Variants in PRKN observed in about 807,000 individuals in gnomAD.
The protein encoded by PRKN is parkin RBR E3 ubiquitin protein ligase, also known as E3 ubiquitin-protein ligase parkin.
In PRKN, 56 loss-of-function variants were observed where a neutral mutation model predicts 59.5. The ratio of observed to expected loss-of-function variants is 0.94; its 90% CI spans 0.76 to 1.18. The LOEUF (loss-of-function observed/expected upper bound fraction) is 1.18. PRKN is among the 50% of genes most tolerant of loss of function. The probability of loss-of-function intolerance (pLI) is 0.00; values close to 1 mark genes in which losing one functional copy is unlikely to be tolerated. For synonymous variants in PRKN, 250 were observed against 222.1 expected (o/e 1.13, Z -1.12); for missense variants, 657 against 596.4 (o/e 1.10, Z -1.06).
chr6:161,897,068 C>G (rs1419740149), intron 6 of PRKN, among the ~76,000 whole-genome samples: 1 of 152,186 alleles, frequency 6.6e-6, no homozygotes, highest in Non-Finnish European at 1.5e-5. Context: ...CTAACTTTCT[C>G]TTCTACATGT....
At chr6:162,542,823 T>C (rs377537300) in intron 1 of PRKN, among the ~76,000 whole-genome samples, 14 of 152,138 alleles carry the variant, frequency 9.2e-5, no homozygotes, top group African/African-American at 3.4e-4. Flanking sequence ...AGCACAGCAC[T>C]CGCGCAAACC....
intron 1 of PRKN, chr6:162,624,454 T>C (rs1481762444): frequency 6.6e-6 from 1 of 152,206 alleles, no homozygotes; most frequent in East Asian, 1.9e-4. Context: ...CTTTGAGAGC[T>C]GCATGGGAGG....
rs527943660 is a variant in PRKN at position 162,306,622 on chromosome 6, C to T, written c.172-43857G>A. 7.6e-4 allele frequency among the ~76,000 whole-genome samples: 116 copies of T among 152,284 alleles called. 1 individual carries two copies. Among genetic ancestry groups the T allele is most frequent in the Middle Eastern group, 3.4e-3 (1 of 294 alleles). ...AGCTCAGTATATGCTCAGCTGCACA[C>T]AACGGAAGTATTTGAACAAATTAAT... is the stretch of plus-strand genomic sequence containing the variant. On this transcript the variant is annotated intron_variant, in intron 2 of 11. Coordinates refer to ENST00000366898, the MANE Select transcript of PRKN (RefSeq NM_004562.3).
intron 2 of PRKN, among the ~76,000 whole-genome samples, chr6:162,333,701 T>C (rs574831894): frequency 6.6e-6 from 1 of 152,270 alleles, no homozygotes; most frequent in South Asian, 2.1e-4. Context: ...GACCAATTAA[T>C]AATGCTACGA....
At chr6:161,559,223 A>G (rs1271189325) in intron 8 of PRKN, among the ~76,000 whole-genome samples, 2 of 152,144 alleles carry the variant, frequency 1.3e-5, no homozygotes, top group Non-Finnish European at 2.9e-5. Flanking sequence ...ATCCAAATCA[A>G]CTGGCTTCCT....
At chr6:162,350,620 T>G (rs1485762667) in intron 2 of PRKN, among the ~76,000 whole-genome samples, 1 of 152,184 alleles carries the variant, frequency 6.6e-6, no homozygotes, top group Admixed American at 6.6e-5. Flanking sequence ...TAGAGATTGA[T>G]ATGCAAAAAA....
intron 2 of PRKN, among the ~76,000 whole-genome samples, chr6:162,382,479 C>T (rs937312111): frequency 2.6e-5 from 4 of 152,058 alleles, no homozygotes; most frequent in African/African-American, 4.8e-5. Flanking sequence ...GTCTATTAAG[C>T]GTATAATAGC....
chr6:162,191,876 C>T (rs1411653951), intron 4 of PRKN, among the ~76,000 whole-genome samples: 1 of 152,160 alleles, frequency 6.6e-6, no homozygotes, highest in Non-Finnish European at 1.5e-5. Flanking sequence ...AGAAACAGCC[C>T]CGTCAGTGTG....
chr6:162,704,227 C>CG (rs1348848461), intron 1 of PRKN, among the ~76,000 whole-genome samples: 8 of 152,132 alleles, frequency 5.3e-5, no homozygotes, highest in South Asian at 4.2e-4. Flanking sequence ...AGGTGGACTG[C>CG]GGGGGGGTTG....
At chr6:162,416,288 A>G (rs1788627314) in intron 2 of PRKN, among the ~76,000 whole-genome samples, 1 of 152,054 alleles carries the variant, frequency 6.6e-6, no homozygotes, top group Non-Finnish European at 1.5e-5. Context: ...AATCCCCCAG[A>G]CCCCACCTCT....
intron 2 of PRKN, among the ~76,000 whole-genome samples, chr6:162,429,905 A>G (rs1382162691): frequency 2.6e-5 from 4 of 152,192 alleles, no homozygotes; most frequent in Admixed American, 6.5e-5. Flanking sequence ...TCTTCCCGGT[A>G]TCACCTTCCT....
intron 9 of PRKN, among the ~76,000 whole-genome samples, chr6:161,449,130 A>G (rs1398482191): frequency 6.6e-6 from 1 of 152,230 alleles, no homozygotes. Flanking sequence ...TGTGTGTATT[A>G]TTATTACAAT....
In PRKN at chr6:162,440,224, C is replaced by T. The variant is rs149728475; in HGVS notation, c.171+3086G>A. ...ATAACTATACTCTAACAGTGCTTCT[C>T]TAAGTGGCCTGTGGATATGCTCTCC... On this transcript the variant is annotated intron_variant, in intron 2 of 11. Transcript: ENST00000366898. Among the ~76,000 whole-genome samples, 972 of 152,286 alleles carry T rather than the reference C, an allele frequency of 6.4e-3. 6 individuals carry two copies. Among genetic ancestry groups the T allele is most frequent in the African/African-American group, 0.02 (829 of 41,560 alleles).
intron 1 of PRKN, among the ~76,000 whole-genome samples, chr6:162,690,132 T>C (rs1034403075): frequency 6.6e-6 from 1 of 152,252 alleles, no homozygotes; most frequent in Non-Finnish European, 1.5e-5. Context: ...TGTACTCGAA[T>C]ACAAATTAAG....
intron 6 of PRKN, among the ~76,000 whole-genome samples, chr6:161,852,081 C>T (rs374661058): frequency 2.7e-4 from 29 of 109,104 alleles, no homozygotes; most frequent in African/African-American, 9.2e-4. Context: ...AGCAGGACTC[C>T]GTCTCAAAAA....
At position 161,369,487 on chromosome 6, in the gene PRKN, A is replaced by G. The variant is rs565752348; in HGVS notation, c.1168-9282T>C. 1.4e-4 allele frequency among the ~76,000 whole-genome samples: 21 copies of G among 152,304 alleles called. No homozygotes were observed. The South Asian group carries it at 4.4e-3, about 32-fold the overall frequency. On this transcript the variant is annotated intron_variant, in intron 10 of 11. Coordinates refer to ENST00000366898, the MANE Select transcript of PRKN (RefSeq NM_004562.3). This position sits in a 1 kb window ranked among gnomAD's most constrained non-coding sequence, Gnocchi z 5.8. ...GCCTTAGTCATCAAGCTCTAAAGCA[A>G]TGCCTGCTTATTGTGTTGCCAGGAG...
Position 161,629,411 on chromosome 6 carries a change from T to C in PRKN, c.872-59995A>G, listed in dbSNP as rs138813505. Among the ~76,000 whole-genome samples, 497 of 152,164 alleles carry C rather than the reference T, an allele frequency of 3.3e-3. 2 individuals carry two copies. The highest frequency in any genetic ancestry group is 6.8e-3 in the Middle Eastern group (2 of 294). On this transcript the variant is annotated intron_variant, in intron 7 of 11. Transcript: ENST00000366898. ...AAGCCTCTCCCCTGCACCCCGGCAG[T>C]TGCTGCCCAATCACCCCTCCCTTTC...
At chr6:161,843,561 A>C (rs1481971447) in intron 6 of PRKN, among the ~76,000 whole-genome samples, 1 of 152,054 alleles carries the variant, frequency 6.6e-6, no homozygotes, top group African/African-American at 2.4e-5. Context: ...CAAGGAGGGG[A>C]GATTACTTAA....
intron 10 of PRKN, among the ~76,000 whole-genome samples, chr6:161,365,025 A>G (rs1426162098): frequency 6.6e-6 from 1 of 152,170 alleles, no homozygotes; most frequent in Non-Finnish European, 1.5e-5. Context: ...GGCATGATTC[A>G]GGCAGAGGGT....
Sources: allele counts gnomAD v4.1 joint callset (sites outside exome capture counted in the v4.1 genomes callset), GRCh38; gene constraint gnomAD v4.1.1; non-coding constraint Gnocchi (gnomAD v3.1); transcripts MANE v1.5; gene names NCBI Gene and HGNC (gene_info 2026-07-23, HGNC 2026-07-21).